RIMS2: variants seen among roughly 807,000 people sequenced by gnomAD.
The protein encoded by RIMS2 is regulating synaptic membrane exocytosis 2, also known as regulating synaptic membrane exocytosis protein 2.
In RIMS2, 59 loss-of-function variants were observed where a neutral mutation model predicts 174.4. The observed-to-expected ratio is 0.34, with a 90% CI of 0.27 to 0.42. The LOEUF (loss-of-function observed/expected upper bound fraction) is 0.42, where lower values mean the gene tolerates loss of function less well. Ranked by LOEUF, RIMS2 falls within the 10% of genes least tolerant of loss-of-function variation. The probability of loss-of-function intolerance (pLI) is 1.00; values close to 1 mark genes in which losing one functional copy is unlikely to be tolerated. For missense variants in RIMS2, 1,620 were observed against 1,666.3 expected (o/e 0.97, Z 0.48); for synonymous variants, 606 against 572.5 (o/e 1.06, Z -0.84).
At chr8:103,951,933 T>C (rs1034737564) in intron 14 of RIMS2, among the ~76,000 whole-genome samples, 16 of 152,160 alleles carry the variant, frequency 1.1e-4, no homozygotes, top group Non-Finnish European at 2.1e-4. Context: ...GCATCCACCA[T>C]TGCTGAGCCT....
At chr8:103,643,599 A>T (rs1010167034) in intron 1 of RIMS2, among the ~76,000 whole-genome samples, 47 of 151,674 alleles carry the variant, frequency 3.1e-4, no homozygotes, top group African/African-American at 1.0e-3. Context: ...AGAGGCTAAA[A>T]TTTTTCTATT....
In RIMS2 at chr8:103,718,378, G is replaced by A. The variant is rs1464968807; in HGVS notation, c.387+21082G>A. 7.2e-5 allele frequency among the ~76,000 whole-genome samples: 11 copies of A among 152,114 alleles called. No individual in the cohort carries two copies. In the East Asian group the frequency reaches 1.9e-3, roughly 27 times the overall value. On this transcript the variant is annotated intron_variant, in intron 2 of 23. Coordinates refer to ENST00000504942, the Ensembl canonical transcript of RIMS2. ...TGAGAGTTTTTATTACAGTTACCCT[G>A]TTTTTTCTCAGTCATTGTGTATTGG...
At chr8:103,786,494 G>A (rs2098444870) in intron 3 of RIMS2, among the ~76,000 whole-genome samples, 1 of 152,082 alleles carries the variant, frequency 6.6e-6, no homozygotes. Flanking sequence ...TGGTTTCAAA[G>A]AACATCTTTA....
intron 1 of RIMS2, among the ~76,000 whole-genome samples, chr8:103,672,053 A>G (rs1291823708): frequency 6.6e-6 from 1 of 152,196 alleles, no homozygotes; most frequent in African/African-American, 2.4e-5. Flanking sequence ...CAATTAAAAC[A>G]GGATCACTAG....
At chr8:103,632,617 T>C (rs1471487898) in intron 1 of RIMS2, among the ~76,000 whole-genome samples, 25 of 151,464 alleles carry the variant, frequency 1.7e-4, no homozygotes, top group Admixed American at 1.6e-3. Flanking sequence ...GACAGGTTTT[T>C]ACTATGTTGG....
intron 1 of RIMS2, among the ~76,000 whole-genome samples, chr8:103,669,026 C>T (rs111948355): frequency 0.012 from 1,780 of 152,158 alleles, 50 homozygotes; most frequent in African/African-American, 0.041. Context: ...TCTGTTTTCA[C>T]GCTGCCGATG....
intron 19 of RIMS2, among the ~76,000 whole-genome samples, chr8:104,206,848 C>T (rs2099082539): frequency 6.6e-6 from 1 of 152,186 alleles, no homozygotes; most frequent in Non-Finnish European, 1.5e-5. Context: ...CAGAGAGTTT[C>T]ATATATTCCT....
At position 103,960,496 on chromosome 8, in the gene RIMS2, A is replaced by C. The variant is rs2023033; in HGVS notation, c.2702-569A>C. Among the ~76,000 whole-genome samples the C allele has an allele frequency of 3.3e-3, 508 of 152,290 alleles. 2 individuals are homozygous for C. The highest frequency in any genetic ancestry group is 0.012 in the African/African-American group (482 of 41,560). On this transcript the variant is annotated intron_variant, in intron 14 of 23. Coordinates refer to ENST00000504942, the Ensembl canonical transcript of RIMS2. ...TTTTCAAAGCAATAGACAAATAGCT[A>C]AACTACATAGTTTTTTTAAAAAGGA... is the stretch of plus-strand genomic sequence containing the variant.
In RIMS2 at chr8:103,548,352, G is replaced by A. The variant is rs189306676; in HGVS notation, c.176+47290G>A. ...GCTTTATCTCTGGGATACAAGTTTTGTTCAACATATGCCAATCAATAAATG... is the reference window on the plus strand; with the variant it reads ...GCTTTATCTCTGGGATACAAGTTTTATTCAACATATGCCAATCAATAAATG... On this transcript the variant is annotated intron_variant, in intron 1 of 23. Transcript: ENST00000504942. Among the ~76,000 whole-genome samples the A allele has an allele frequency of 1.3e-3, 195 of 152,268 alleles. 1 individual carries two copies. The highest frequency in any genetic ancestry group is 0.011 in the Admixed American group (174 of 15,282).
At chr8:103,572,507 A>G (rs752067377) in intron 1 of RIMS2, among the ~76,000 whole-genome samples, 4 of 152,054 alleles carry the variant, frequency 2.6e-5, no homozygotes, top group African/African-American at 7.2e-5. Context: ...ACTAATGGAC[A>G]TTCACACCAA....
intron 17 of RIMS2, among the ~76,000 whole-genome samples, chr8:104,003,354 G>T (rs998588428): frequency 6.6e-6 from 1 of 151,852 alleles, no homozygotes; most frequent in Non-Finnish European, 1.5e-5. Flanking sequence ...AACATTATTG[G>T]CAAGGCAGGA....
At chr8:104,177,219 G>A (rs543008663) in intron 19 of RIMS2, among the ~76,000 whole-genome samples, 1 of 152,246 alleles carries the variant, frequency 6.6e-6, no homozygotes, top group South Asian at 2.1e-4. Context: ...AACATATTAA[G>A]TGACTTTCTC....
intron 16 of RIMS2, among the ~76,000 whole-genome samples, chr8:103,977,956 T>C (rs2093590631): frequency 1.3e-5 from 2 of 152,212 alleles, no homozygotes; most frequent in Non-Finnish European, 1.5e-5. Flanking sequence ...CCTCTTTCTG[T>C]AGGTCAGTAG....
downstream of RIMS2, chr8:104,255,916 A>T (rs1025872856): frequency 3.3e-5 from 5 of 152,246 alleles, no homozygotes; most frequent in African/African-American, 1.2e-4. Flanking sequence ...GACTCAGGTC[A>T]CTTAATCTCC....
At chr8:103,820,804 T>C (rs1166078035) in intron 3 of RIMS2, among the ~76,000 whole-genome samples, 1 of 151,788 alleles carries the variant, frequency 6.6e-6, no homozygotes, top group Non-Finnish European at 1.5e-5. Flanking sequence ...AAACAGTATA[T>C]GAAATGTTAG....
intron 19 of RIMS2, among the ~76,000 whole-genome samples, chr8:104,121,635 C>T (rs1009614630): frequency 6.6e-6 from 1 of 152,046 alleles, no homozygotes; most frequent in African/African-American, 2.4e-5. Context: ...TAATAAATAT[C>T]TTTTGAGTGC....
At chr8:103,965,142 T>G (rs1205910467) in intron 15 of RIMS2, among the ~76,000 whole-genome samples, 1 of 152,148 alleles carries the variant, frequency 6.6e-6, no homozygotes, top group Admixed American at 6.6e-5. Context: ...ATCTTCTGTC[T>G]TTTACTTCTC....
exon 12 of RIMS2, chr8:103,931,275 T>G (rs2079878279): frequency 6.3e-7 from 1 of 1,597,418 alleles, no homozygotes; most frequent in Non-Finnish European, 8.5e-7. Context: ...AAAACTATGG[T>G]TTGACAAGGT....
At chr8:104,194,927 C>A (rs1409782353) in intron 19 of RIMS2, among the ~76,000 whole-genome samples, 1 of 152,166 alleles carries the variant, frequency 6.6e-6, no homozygotes, top group Non-Finnish European at 1.5e-5. Context: ...TCACATAATT[C>A]AGTATTACTG....
Sources: allele counts gnomAD v4.1 joint callset (sites outside exome capture counted in the v4.1 genomes callset), GRCh38; gene constraint gnomAD v4.1.1; transcripts MANE v1.5; gene names NCBI Gene and HGNC (gene_info 2026-07-23, HGNC 2026-07-21).